Variants in C6orf58 observed in about 807,000 individuals in gnomAD.
C6orf58 encodes the protein protein LEG1 homolog.
A neutral mutation model predicts 37.0 loss-of-function variants in C6orf58; 30 were observed. The ratio of observed to expected loss-of-function variants is 0.81; its 90% CI spans 0.61 to 1.10. C6orf58 has a LOEUF of 1.10. Ranked by LOEUF, C6orf58 falls within the 50% of genes least tolerant of loss-of-function variation. C6orf58 has a pLI of 0.00. For synonymous variants in C6orf58, 143 were observed against 134.1 expected (o/e 1.07, Z -0.46); for missense variants, 368 against 387.5 (o/e 0.95, Z 0.42).
chr6:127,579,378 C>A (rs1311578186), intron 2 of C6orf58, among the ~76,000 whole-genome samples: 1 of 152,054 alleles, frequency 6.6e-6, no homozygotes, highest in African/African-American at 2.4e-5. Flanking sequence ...TTAAATTTCA[C>A]TTTTTCAGGG....
chr6:127,589,417 AC>A (rs1413953367), intron 4 of C6orf58, among the ~76,000 whole-genome samples: 5 of 152,218 alleles, frequency 3.3e-5, no homozygotes, highest in African/African-American at 1.2e-4. Context: ...AGAAGACATG[AC>A]TTTTATAGTT....
In C6orf58 at chr6:127,591,605, T is replaced by C; in HGVS notation, c.976T>C (p.Tyr326His). Residue 326 changes from tyrosine (Y) to histidine (H), a missense_variant, in exon 6 of 6, where the codon TAT becomes CAT. Tyr to His is a moderately conservative substitution (Grantham distance 83). Transcript: ENST00000329722. ...RDHSESSSRS[Y>H]GNNS ...TCATTCGGAATCTAGCTCTAGAAGT[T>C]ATGGAAATAACTCCTGAAACATTTA... The C allele has an allele frequency of 1.3e-6, 2 of 1,522,000 alleles. No individual in the cohort carries two copies. The highest frequency in any genetic ancestry group is 2.7e-5 in the South Asian group (2 of 73,794). The allele number at this position is 1,522,000 out of a possible 1,614,324, so 94.3% of individuals were successfully genotyped here. A position where few individuals can be genotyped will look rare whatever the true frequency, so the allele number is the denominator to read the frequency against.
Position 127,581,225 on chromosome 6 carries a change from A to G in C6orf58, c.617A>G (p.Tyr206Cys), listed in dbSNP as rs1000084952. ...AGTAAGTTTGATGATCTGTTGAAGT[A>G]CTTATGGGCTGCACACACTTCAACC... Reference protein sequence around the residue: ...PFSKFDDLLKYLWAAHTSTLA... With the variant: ...PFSKFDDLLKCLWAAHTSTLA... The change falls in exon 4 of 6, where the codon TAC becomes TGC. Residue 206 changes from tyrosine (Y) to cysteine (C), a missense_variant. Tyr to Cys is a radical substitution (Grantham distance 194, BLOSUM62 -2). Transcript: ENST00000329722. 1 of 1,543,622 alleles carries G rather than the reference A, an allele frequency of 6.5e-7. No individual in the cohort carries two copies.
intron 4 of C6orf58, among the ~76,000 whole-genome samples, chr6:127,583,441 A>G (rs963661284): frequency 6.8e-6 from 1 of 148,034 alleles, no homozygotes; most frequent in Non-Finnish European, 1.5e-5. Context: ...CTTCATGTTG[A>G]CAGAGGAGAA....
In C6orf58 at chr6:127,591,600, G is replaced by T; in HGVS notation, c.971G>T (p.Arg324Ile). The change falls in exon 6 of 6, where the codon AGA (arginine) becomes ATA (isoleucine). Residue 324 changes from arginine to isoleucine, a missense_variant. Arg to Ile is a moderately conservative substitution (Grantham distance 97). Transcript: ENST00000329722. ...VYRDHSESSS[R>I]SYGNNS The stretch of plus-strand genomic sequence containing the variant: ...AGAGATCATTCGGAATCTAGCTCTA[G>T]AAGTTATGGAAATAACTCCTGAAAC... 1 of 1,522,118 alleles carries T rather than the reference G, an allele frequency of 6.6e-7. No individual in the cohort carries two copies. The highest frequency in any genetic ancestry group is 8.8e-7 in the Non-Finnish European group (1 of 1,140,476). The allele number at this position is 1,522,118 out of a possible 1,614,324, so 94.3% of individuals were successfully genotyped here.
intron 4 of C6orf58, among the ~76,000 whole-genome samples, chr6:127,583,715 A>G (rs1467625012): frequency 6.6e-6 from 1 of 152,156 alleles, no homozygotes; most frequent in Non-Finnish European, 1.5e-5. Context: ...AAAAGAACTG[A>G]TCTCTAGGTT....
At chr6:127,581,960 A>T (rs959921505) in intron 4 of C6orf58, among the ~76,000 whole-genome samples, 6 of 152,160 alleles carry the variant, frequency 3.9e-5, no homozygotes, top group Non-Finnish European at 7.4e-5. Context: ...TTTGTTTACA[A>T]ACTACATTAA....
intron 4 of C6orf58, among the ~76,000 whole-genome samples, chr6:127,581,488 A>AG (rs1327620179): frequency 2.4e-4 from 36 of 148,654 alleles, no homozygotes; most frequent in African/African-American, 9.3e-4. Context: ...GAAAATTTTG[A>AG]GAAAAAAAAG....
chr6:127,590,928 C>T (rs1269019444), intron 5 of C6orf58, among the ~76,000 whole-genome samples: 3 of 151,902 alleles, frequency 2.0e-5, no homozygotes, highest in Non-Finnish European at 2.9e-5. Context: ...AAATTTAAAA[C>T]GTTTTTCAAA....
intron 1 of C6orf58, among the ~76,000 whole-genome samples, chr6:127,578,404 C>G (rs984099756): frequency 6.6e-6 from 1 of 151,278 alleles, no homozygotes; most frequent in African/African-American, 2.4e-5. Context: ...TTCATAGTTT[C>G]GATTAGAAGG....
At chr6:127,582,795 G>A (rs1219921226) in intron 4 of C6orf58, among the ~76,000 whole-genome samples, 1 of 152,094 alleles carries the variant, frequency 6.6e-6, no homozygotes, top group Non-Finnish European at 1.5e-5. Context: ...TGGAGTGACA[G>A]GAGTACTCTT....
At chr6:127,582,543 T>C (rs1225938668) in intron 4 of C6orf58, among the ~76,000 whole-genome samples, 2 of 152,230 alleles carry the variant, frequency 1.3e-5, no homozygotes, top group African/African-American at 4.8e-5. Context: ...AATATGCCTT[T>C]AGCAAGAAAA....
At chr6:127,578,210 C>T (rs1462752652) in intron 1 of C6orf58, among the ~76,000 whole-genome samples, 1 of 152,096 alleles carries the variant, frequency 6.6e-6, no homozygotes, top group Non-Finnish European at 1.5e-5. Context: ...ACAGGTGAAA[C>T]ACCTTTGGTG....
chr6:127,580,709 G>A (rs1775040613), intron 3 of C6orf58, among the ~76,000 whole-genome samples: 1 of 152,016 alleles, frequency 6.6e-6, no homozygotes, highest in Non-Finnish European at 1.5e-5. Context: ...ATATTTTGCT[G>A]AATGATTAAT....
chr6:127,578,813 T>C, intron 2 of C6orf58, 41 bp downstream of exon 2: 2 of 1,429,602 alleles, frequency 1.4e-6, no homozygotes, highest in Non-Finnish European at 2.0e-6. Flanking sequence ...TAACCTTTCC[T>C]GAAAGAAAGC....
At chr6:127,578,628 T>A in intron 1 of C6orf58, 58 bp from the exon 2 acceptor site, 1 of 1,211,388 alleles carries the variant, frequency 8.3e-7, no homozygotes, top group Non-Finnish European at 1.2e-6. Context: ...TAAGCAATAG[T>A]TACAGCCAGT....
intron 4 of C6orf58, among the ~76,000 whole-genome samples, chr6:127,589,014 A>G (rs1775134203): frequency 6.6e-6 from 1 of 152,230 alleles, no homozygotes; most frequent in Admixed American, 6.5e-5. Flanking sequence ...TCAAACAGAT[A>G]ACAGGTATTA....
At chr6:127,577,592 C>A (rs1775003493) in intron 1 of C6orf58, 106 bp downstream of exon 1, 2 of 922,112 alleles carry the variant, frequency 2.2e-6, no homozygotes, top group Non-Finnish European at 1.7e-6. Context: ...AAAATTGATT[C>A]TTTATCTTGT....
intron 5 of C6orf58, among the ~76,000 whole-genome samples, chr6:127,590,767 A>C (rs951929142): frequency 6.6e-6 from 1 of 152,132 alleles, no homozygotes; most frequent in African/African-American, 2.4e-5. Context: ...CCCTTGATCC[A>C]ATACTATTAG....
Sources: gnomAD v4.1 joint callset for allele counts (sites outside exome capture counted in the v4.1 genomes callset) on GRCh38, gnomAD v4.1.1 for gene constraint, MANE v1.5 for transcripts, NCBI Gene and HGNC (gene_info 2026-07-23, HGNC 2026-07-21) for gene names.